SCPPPQ1: variants seen among roughly 807,000 people sequenced by gnomAD.
The protein encoded by SCPPPQ1 is secretory calcium-binding phosphoprotein proline- and glutamine-rich 1.
the SCPPPQ1 span, among the ~76,000 whole-genome samples, chr4:87,470,232 C>G: frequency 6.6e-6 from 1 of 152,164 alleles, no homozygotes; most frequent in Non-Finnish European, 1.5e-5. Context: ...TTCCAAAGTG[C>G]TGGGATTACA....
At chr4:87,464,503 C>T in the SCPPPQ1 span, among the ~76,000 whole-genome samples, 1 of 152,016 alleles carries the variant, frequency 6.6e-6, no homozygotes. Flanking sequence ...TTTGGGATCA[C>T]CTCTTTCTGA....
the SCPPPQ1 span, chr4:87,461,044 T>C: frequency 2.6e-5 from 4 of 152,672 alleles, no homozygotes; most frequent in East Asian, 5.8e-4. Flanking sequence ...ATCTATCTGC[T>C]ATATCACTAG....
the SCPPPQ1 span, among the ~76,000 whole-genome samples, chr4:87,469,469 A>G: frequency 6.6e-6 from 1 of 152,206 alleles, no homozygotes; most frequent in South Asian, 2.1e-4. Flanking sequence ...TCCTAGTTCT[A>G]TGACTTTCCT....
the SCPPPQ1 span, among the ~76,000 whole-genome samples, chr4:87,464,386 A>C: frequency 6.6e-6 from 1 of 151,350 alleles, no homozygotes; most frequent in Non-Finnish European, 1.5e-5. Context: ...CCCCAAACCT[A>C]TCTCTGGAAA....
At chr4:87,466,148 G>C in the SCPPPQ1 span, among the ~76,000 whole-genome samples, 1 of 152,122 alleles carries the variant, frequency 6.6e-6, no homozygotes, top group Non-Finnish European at 1.5e-5. Flanking sequence ...AGCACTTTGG[G>C]AGGCCGAGGC....
the SCPPPQ1 span, among the ~76,000 whole-genome samples, chr4:87,462,723 C>T: frequency 2.0e-5 from 3 of 152,266 alleles, no homozygotes; most frequent in Non-Finnish European, 2.9e-5. Flanking sequence ...AAAGCCTGGG[C>T]ACAGTGGCTC....
chr4:87,469,463 A>T, the SCPPPQ1 span, among the ~76,000 whole-genome samples: 1 of 152,180 alleles, frequency 6.6e-6, no homozygotes, highest in African/African-American at 2.4e-5. Context: ...GTGAACTCCT[A>T]GTTCTATGAC....
At chr4:87,461,550 C>T in the SCPPPQ1 span, among the ~76,000 whole-genome samples, 1 of 152,222 alleles carries the variant, frequency 6.6e-6, no homozygotes, top group Middle Eastern at 3.4e-3. Context: ...GGATAAAGGG[C>T]CACAGTCAGT....
the SCPPPQ1 span, among the ~76,000 whole-genome samples, chr4:87,461,176 T>G: frequency 2.6e-5 from 4 of 152,246 alleles, no homozygotes; most frequent in Non-Finnish European, 4.4e-5. Context: ...ATTATATTTC[T>G]TAATTCTATC....
the SCPPPQ1 span, among the ~76,000 whole-genome samples, chr4:87,465,628 T>TTTA: frequency 6.6e-6 from 1 of 151,716 alleles, no homozygotes; most frequent in Non-Finnish European, 1.5e-5. Flanking sequence ...TCTCTTGCTT[T>TTTA]TTCTCATTTA....
chr4:87,463,606 T>A, the SCPPPQ1 span, among the ~76,000 whole-genome samples: 3 of 152,192 alleles, frequency 2.0e-5, no homozygotes, highest in Admixed American at 2.0e-4. Flanking sequence ...TGATACAAGA[T>A]TTTAAAATGA....
chr4:87,461,092 T>A, the SCPPPQ1 span: 1 of 152,644 alleles, frequency 6.6e-6, no homozygotes, highest in African/African-American at 2.4e-5. Context: ...TTATGTCTTA[T>A]GTAAAATGAA....
the SCPPPQ1 span, among the ~76,000 whole-genome samples, chr4:87,463,544 A>G: frequency 6.6e-6 from 1 of 152,184 alleles, no homozygotes; most frequent in African/African-American, 2.4e-5. Context: ...TTTGTATACA[A>G]AAATCTATTT....
the SCPPPQ1 span, among the ~76,000 whole-genome samples, chr4:87,468,550 C>T: frequency 7.9e-5 from 12 of 152,222 alleles, no homozygotes; most frequent in East Asian, 2.1e-3. Flanking sequence ...TGTATATAGT[C>T]AGTTGATGAC....
the SCPPPQ1 span, among the ~76,000 whole-genome samples, chr4:87,468,205 A>G: frequency 6.6e-5 from 10 of 152,252 alleles, no homozygotes; most frequent in Non-Finnish European, 1.3e-4. Flanking sequence ...ATTTTGTGCA[A>G]TGATTTGGAA....
At chr4:87,464,020 CA>C in the SCPPPQ1 span, among the ~76,000 whole-genome samples, 1 of 152,130 alleles carries the variant, frequency 6.6e-6, no homozygotes, top group African/African-American at 2.4e-5. Flanking sequence ...AACACTGTCC[CA>C]ACTGTGACAG....
chr4:87,466,909 A>G, the SCPPPQ1 span, among the ~76,000 whole-genome samples: 1 of 152,194 alleles, frequency 6.6e-6, no homozygotes, highest in Admixed American at 6.5e-5. Flanking sequence ...TTTTAAAGAA[A>G]AAAATCATTG....
At chr4:87,465,589 GTAAAT>G in the SCPPPQ1 span, among the ~76,000 whole-genome samples, 3 of 92,644 alleles carry the variant, frequency 3.2e-5, no homozygotes, top group Non-Finnish European at 4.3e-5. Flanking sequence ...AAAAAAAAAA[GTAAAT>G]TGTGAATGAA....
the SCPPPQ1 span, among the ~76,000 whole-genome samples, chr4:87,461,483 T>C: frequency 6.6e-6 from 1 of 152,202 alleles, no homozygotes; most frequent in Non-Finnish European, 1.5e-5. Context: ...TGGCTAGCAT[T>C]GTTGAAGTTG....
Sources: allele counts gnomAD v4.1 joint callset (sites outside exome capture counted in the v4.1 genomes callset), GRCh38; gene constraint gnomAD v4.1.1; transcripts MANE v1.5; gene names NCBI Gene and HGNC (gene_info 2026-07-23, HGNC 2026-07-21).